Variants in RBFOX1 observed in about 807,000 individuals in gnomAD.
RBFOX1 encodes RNA binding protein fox-1 homolog 1.
In RBFOX1, 8 loss-of-function variants were observed where a neutral mutation model predicts 57.7. That is an observed-to-expected ratio of 0.14 (90% CI 0.08 to 0.25). The LOEUF is 0.25. Among genes scored for constraint, RBFOX1 ranks in the 10% least tolerant of loss-of-function variants. The pLI is 1.00. For synonymous variants in RBFOX1, 326 were observed against 222.4 expected (o/e 1.47, Z -4.15); for missense variants, 611 against 548.5 (o/e 1.11, Z -1.14).
At chr16:7,486,458 A>G (rs2065422743) in intron 4 of RBFOX1, among the ~76,000 whole-genome samples, 3 of 151,976 alleles carry the variant, frequency 2.0e-5, no homozygotes, top group Admixed American at 6.5e-5. Flanking sequence ...CTACGTGGAC[A>G]GTTAGATTTG....
intron 3 of RBFOX1, among the ~76,000 whole-genome samples, chr16:6,880,222 G>A (rs560422418): frequency 2.1e-4 from 18 of 85,340 alleles, no homozygotes; most frequent in African/African-American, 9.5e-4. Flanking sequence ...ATTTTCCACC[G>A]GGGGGTAGCA....
At chr16:6,180,557 T>G (rs1211386258) in intron 1 of RBFOX1, among the ~76,000 whole-genome samples, 1 of 151,936 alleles carries the variant, frequency 6.6e-6, no homozygotes, top group Admixed American at 6.6e-5. Flanking sequence ...TTTTTGTTGT[T>G]ATTGTCATTC....
At chr16:7,191,088 A>G (rs995451912) in intron 4 of RBFOX1, among the ~76,000 whole-genome samples, 2 of 152,102 alleles carry the variant, frequency 1.3e-5, no homozygotes, top group Admixed American at 1.3e-4. Context: ...TTAGAACATA[A>G]TGAAACTGTG....
intron 1 of RBFOX1, among the ~76,000 whole-genome samples, chr16:6,179,557 T>G (rs1213034816): frequency 1.3e-5 from 2 of 152,138 alleles, no homozygotes; most frequent in Admixed American, 6.5e-5. Context: ...CCTACTGGGC[T>G]CAGAGACTGT....
At chr16:6,174,502 C>G (rs1373976643) in intron 1 of RBFOX1, among the ~76,000 whole-genome samples, 1 of 152,020 alleles carries the variant, frequency 6.6e-6, no homozygotes, top group Non-Finnish European at 1.5e-5. Flanking sequence ...GGCTGAGGCA[C>G]AAGAGTCGCT....
At chr16:6,853,089 C>A (rs1034242789) in intron 3 of RBFOX1, among the ~76,000 whole-genome samples, 8 of 152,170 alleles carry the variant, frequency 5.3e-5, no homozygotes, top group African/African-American at 1.7e-4. Context: ...TCACACAGTT[C>A]TATCCCTCCC....
At chr16:6,016,042 T>C (rs559554282), upstream of RBFOX1, among the ~76,000 whole-genome samples, 13 of 152,354 alleles carry the variant, frequency 8.5e-5, no homozygotes, top group Admixed American at 1.3e-4. Context: ...GGTTAGCCCA[T>C]TTAGACAGCA....
intron 3 of RBFOX1, among the ~76,000 whole-genome samples, chr16:6,745,068 T>C (rs1441961150): frequency 6.6e-6 from 1 of 152,044 alleles, no homozygotes; most frequent in Non-Finnish European, 1.5e-5. Context: ...TATTTTATGA[T>C]ATTAAGATTT....
At chr16:7,509,390 C>CTGTG (rs34760329) in intron 4 of RBFOX1, among the ~76,000 whole-genome samples, 2,530 of 145,064 alleles carry the variant, frequency 0.017, 36 homozygotes, top group Non-Finnish European at 0.021. Context: ...GAGCCAAGCC[C>CTGTG]TGTGTGTGTG....
intron 2 of RBFOX1, among the ~76,000 whole-genome samples, chr16:6,487,186 A>G (rs1261838172): frequency 7.5e-6 from 1 of 133,192 alleles, no homozygotes; most frequent in Non-Finnish European, 1.6e-5. Context: ...GTGTGTACCC[A>G]AAAGGCCGAA....
chr16:5,312,987 C>CT (rs1003000808), intron 1 of RBFOX1, among the ~76,000 whole-genome samples: 2 of 151,984 alleles, frequency 1.3e-5, no homozygotes, highest in Non-Finnish European at 2.9e-5. Flanking sequence ...TGCTTAGTGC[C>CT]TTTTTTTTCC....
chr16:6,071,217 A>G (rs1278016207), intron 1 of RBFOX1, among the ~76,000 whole-genome samples: 8 of 152,082 alleles, frequency 5.3e-5, no homozygotes. Flanking sequence ...GCTGCTTGGG[A>G]GGCTGAGATG....
intron 3 of RBFOX1, among the ~76,000 whole-genome samples, chr16:5,745,456 C>A (rs968854744): frequency 6.6e-6 from 1 of 152,060 alleles, no homozygotes; most frequent in Non-Finnish European, 1.5e-5. Flanking sequence ...CAGTATATAC[C>A]CAGTGATGGG....
intron 2 of RBFOX1, among the ~76,000 whole-genome samples, chr16:6,641,434 A>C (rs2098486646): frequency 6.6e-6 from 1 of 152,110 alleles, no homozygotes. Flanking sequence ...ACTCATCCTC[A>C]TTAGAATTTT....
At chr16:6,353,428 A>C (rs903493236) in intron 2 of RBFOX1, among the ~76,000 whole-genome samples, 1 of 151,528 alleles carries the variant, frequency 6.6e-6, no homozygotes, top group African/African-American at 2.4e-5. Context: ...TTTTACTGAC[A>C]AATATAACTT....
At chr16:7,148,928 T>G (rs72765508) in intron 4 of RBFOX1, among the ~76,000 whole-genome samples, 4,081 of 152,312 alleles carry the variant, frequency 0.027, 84 homozygotes, top group Non-Finnish European at 0.04. Context: ...AAAATCAGTT[T>G]AGTCTGATGC....
intron 3 of RBFOX1, among the ~76,000 whole-genome samples, chr16:6,826,817 A>G (rs2092207476): frequency 6.6e-6 from 1 of 152,178 alleles, no homozygotes; most frequent in Non-Finnish European, 1.5e-5. Flanking sequence ...TTAAACATTA[A>G]TGTAAGATAA....
intron 1 of RBFOX1, among the ~76,000 whole-genome samples, chr16:5,447,586 C>T (rs890982821): frequency 6.6e-6 from 1 of 152,078 alleles, no homozygotes; most frequent in Non-Finnish European, 1.5e-5. Context: ...TTAATAGAGA[C>T]GAGATTTCAC....
chr16:6,515,466 A>G (rs1429067906), intron 2 of RBFOX1, among the ~76,000 whole-genome samples: 1 of 152,204 alleles, frequency 6.6e-6, no homozygotes, highest in Non-Finnish European at 1.5e-5. Context: ...CTAAGACATA[A>G]CTAATATGCT....
Sources: gnomAD v4.1 joint callset for allele counts (sites outside exome capture counted in the v4.1 genomes callset) on GRCh38, gnomAD v4.1.1 for gene constraint, MANE v1.5 for transcripts, NCBI Gene and HGNC (gene_info 2026-07-23, HGNC 2026-07-21) for gene names.